The following TSPAN5 variants were observed in gnomAD, a reference collection of about 807,000 sequenced individuals.
The protein encoded by TSPAN5 is tetraspanin-5.
Under a neutral mutation model 37.1 loss-of-function variants are expected in TSPAN5, and 10 were observed. That is an observed-to-expected ratio of 0.27 (90% CI 0.17 to 0.46). The LOEUF is 0.46. Ranked by LOEUF, TSPAN5 falls within the 20% of genes least tolerant of loss-of-function variation. TSPAN5 has a pLI of 1.00. For missense variants in TSPAN5, 195 were observed against 326.6 expected (o/e 0.60, Z 3.11); for synonymous variants, 110 against 118.9 (o/e 0.93, Z 0.48).
In TSPAN5 at chr4:98,482,177, T is replaced by G; in HGVS notation, c.280-2A>C. ...AATAATTCCCAGGAACACAGAAAACTAAGATAAAAGACACATACACAGAGA... is the reference window on the plus strand; with the variant it reads ...AATAATTCCCAGGAACACAGAAAACGAAGATAAAAGACACATACACAGAGA... On this transcript the variant is annotated splice_acceptor_variant, in intron 3 of 7. Coordinates refer to ENST00000305798, the MANE Select transcript of TSPAN5 (RefSeq NM_005723.4). LOFTEE classifies it high-confidence loss of function. 4 of 1,613,392 alleles carry G rather than the reference T, an allele frequency of 2.5e-6. No homozygotes were observed. Among genetic ancestry groups the G allele is most frequent in the Non-Finnish European group, 3.4e-6 (4 of 1,179,786 alleles).
chr4:98,651,838 A>C (rs1325815344), intron 1 of TSPAN5, among the ~76,000 whole-genome samples: 3 of 130,018 alleles, frequency 2.3e-5, no homozygotes, highest in African/African-American at 8.4e-5. Flanking sequence ...CTTTCTGATG[A>C]TTTTGTAATT....
chr4:98,601,838 T>C (rs1755889989), intron 1 of TSPAN5, among the ~76,000 whole-genome samples: 1 of 152,232 alleles, frequency 6.6e-6, no homozygotes, highest in South Asian at 2.1e-4. Context: ...CATTTGTAGC[T>C]TTTGATTTAA....
chr4:98,499,746 C>T (rs916662207), intron 2 of TSPAN5, among the ~76,000 whole-genome samples: 1 of 150,470 alleles, frequency 6.6e-6, no homozygotes, highest in South Asian at 2.1e-4. Context: ...CTGCAAGCTC[C>T]GCCTCCTGGG....
rs375823871 is a variant in TSPAN5 at position 98,620,646 on chromosome 4, C to T, written c.81+37500G>A. ...CTCCATGAAAGTAGCATTAGGGCTG[C>T]GATCTGAAGGGTGAAAAGACCTCCA... On this transcript the variant is annotated intron_variant, in intron 1 of 7. Transcript: ENST00000305798. 1.5e-4 allele frequency among the ~76,000 whole-genome samples: 23 copies of T among 152,214 alleles called. 1 individual carries two copies. The South Asian group carries it at 3.3e-3, about 22-fold the overall frequency.
At chr4:98,520,966 C>CT (rs1560521642) in intron 1 of TSPAN5, among the ~76,000 whole-genome samples, 1 of 152,080 alleles carries the variant, frequency 6.6e-6, no homozygotes, top group African/African-American at 2.4e-5. Context: ...GAGTCTCGCT[C>CT]TGTCGCCCAG....
chr4:98,603,927 C>T (rs919947965), intron 1 of TSPAN5, among the ~76,000 whole-genome samples: 3 of 152,150 alleles, frequency 2.0e-5, no homozygotes, highest in Non-Finnish European at 4.4e-5. Context: ...TAAGACAGCC[C>T]GATCCTAATG....
intron 1 of TSPAN5, among the ~76,000 whole-genome samples, chr4:98,632,809 G>C (rs1258925581): frequency 1.3e-5 from 2 of 152,208 alleles, no homozygotes; most frequent in East Asian, 1.9e-4. Context: ...GAGTGGAAGA[G>C]AAGGAAGAGG....
chr4:98,564,071 T>C (rs2110172183), intron 1 of TSPAN5, among the ~76,000 whole-genome samples: 1 of 152,256 alleles, frequency 6.6e-6, no homozygotes, highest in African/African-American at 2.4e-5. Flanking sequence ...TGAGACAAAA[T>C]TAAATGGGAG....
At chr4:98,501,091 G>A (rs58450098) in intron 2 of TSPAN5, among the ~76,000 whole-genome samples, 187 of 152,182 alleles carry the variant, frequency 1.2e-3, no homozygotes, top group African/African-American at 4.3e-3. Context: ...TGAGCAAAAC[G>A]GAAAAGGAAT....
At chr4:98,620,614 G>A (rs1255772883) in intron 1 of TSPAN5, among the ~76,000 whole-genome samples, 2 of 152,192 alleles carry the variant, frequency 1.3e-5, no homozygotes, top group Non-Finnish European at 2.9e-5. Context: ...GAAGTCATGC[G>A]AGCGCTCTCC....
intron 1 of TSPAN5, among the ~76,000 whole-genome samples, chr4:98,604,855 G>A (rs1376876445): frequency 6.6e-6 from 1 of 152,134 alleles, no homozygotes; most frequent in African/African-American, 2.4e-5. Flanking sequence ...TGTCAGATGT[G>A]AAAACCAAGG....
chr4:98,570,594 G>C (rs960183584), intron 1 of TSPAN5, among the ~76,000 whole-genome samples: 4 of 152,052 alleles, frequency 2.6e-5, no homozygotes, highest in Non-Finnish European at 5.9e-5. Flanking sequence ...CAAGGTGGAG[G>C]GAAAAAAGAA....
intron 1 of TSPAN5, among the ~76,000 whole-genome samples, chr4:98,592,434 T>G (rs980476881): frequency 1.0e-4 from 15 of 147,476 alleles, no homozygotes; most frequent in Middle Eastern, 3.4e-3. Context: ...TTTTGTTTTT[T>G]TTTTTTTTTT....
At chr4:98,600,836 C>T (rs1282097402) in intron 1 of TSPAN5, among the ~76,000 whole-genome samples, 1 of 152,180 alleles carries the variant, frequency 6.6e-6, no homozygotes, top group Admixed American at 6.5e-5. Flanking sequence ...TTTCAATTTC[C>T]TTTGCCCATA....
intron 1 of TSPAN5, among the ~76,000 whole-genome samples, chr4:98,551,025 G>A (rs1189478031): frequency 6.6e-6 from 1 of 151,982 alleles, no homozygotes; most frequent in Non-Finnish European, 1.5e-5. Flanking sequence ...TGTCATATAT[G>A]GCCTTTATTA....
chr4:98,509,175 G>A (rs1220100552), intron 1 of TSPAN5, among the ~76,000 whole-genome samples: 1 of 152,148 alleles, frequency 6.6e-6, no homozygotes, highest in Non-Finnish European at 1.5e-5. Context: ...GCAGCACACC[G>A]TTTATTTTAC....
chr4:98,505,693 A>G (rs1464740753), intron 2 of TSPAN5, among the ~76,000 whole-genome samples: 5 of 152,350 alleles, frequency 3.3e-5, no homozygotes, highest in Admixed American at 6.5e-5. Context: ...TCCATGAGGC[A>G]TGGACTCTGC....
intron 1 of TSPAN5, among the ~76,000 whole-genome samples, chr4:98,590,891 C>T (rs147800085): frequency 2.1e-3 from 317 of 152,120 alleles, no homozygotes; most frequent in African/African-American, 7.5e-3. Flanking sequence ...GATAACCATC[C>T]ATCCACACAG....
intron 1 of TSPAN5, among the ~76,000 whole-genome samples, chr4:98,570,381 G>T (rs777821752): frequency 6.6e-6 from 1 of 152,154 alleles, no homozygotes; most frequent in African/African-American, 2.4e-5. Flanking sequence ...CAAACCATAC[G>T]TAAGGCACTG....
Sources: gnomAD v4.1 joint callset for allele counts (sites outside exome capture counted in the v4.1 genomes callset) on GRCh38, gnomAD v4.1.1 for gene constraint, MANE v1.5 for transcripts, NCBI Gene and HGNC (gene_info 2026-07-23, HGNC 2026-07-21) for gene names.